Variants in CSMD1 observed in about 807,000 individuals in gnomAD.
The protein encoded by CSMD1 is CUB and sushi domain-containing protein 1.
A neutral mutation model predicts 417.5 loss-of-function variants in CSMD1; 213 were observed. The observed-to-expected ratio is 0.51, with a 90% CI of 0.46 to 0.57. The LOEUF (loss-of-function observed/expected upper bound fraction) is 0.57. Ranked by LOEUF, CSMD1 falls within the 20% of genes least tolerant of loss-of-function variation. The pLI, the probability that CSMD1 is intolerant of heterozygous loss-of-function variation, is 0.00. For synonymous variants in CSMD1, 2,862 were observed against 1,736.8 expected, an observed-to-expected ratio of 1.65 and a Z score of -16.11; for missense variants, 6,923 against 4,529.7, an observed-to-expected ratio of 1.53 and a Z score of -15.17.
intron 1 of CSMD1, among the ~76,000 whole-genome samples, chr8:4,652,264 G>A (rs1037607339): frequency 1.3e-5 from 2 of 152,240 alleles, no homozygotes; most frequent in African/African-American, 2.4e-5. Context: ...TAGAAATCCA[G>A]TCTCATTTAT....
At chr8:3,838,979 T>C (rs1402509161) in intron 5 of CSMD1, among the ~76,000 whole-genome samples, 1 of 123,742 alleles carries the variant, frequency 8.1e-6, no homozygotes, top group Non-Finnish European at 1.6e-5. Context: ...ATATATAATA[T>C]ATTATATATC....
Position 4,299,970 on chromosome 8 carries a change from T to C in CSMD1, c.415+119983A>G, listed in dbSNP as rs993873055. The stretch of plus-strand genomic sequence containing the variant: ...AGTTATAAATACTATTTGTTGATAA[T>C]AGCTATTAGAATTTCTGTCCTTTGT... On this transcript the variant is annotated intron_variant, in intron 3 of 69. Coordinates refer to ENST00000635120, the MANE Select transcript of CSMD1 (RefSeq NM_033225.6). Among the ~76,000 whole-genome samples, 7 of 152,286 alleles carry C rather than the reference T, an allele frequency of 4.6e-5. 1 individual carries two copies. Among genetic ancestry groups the C allele is most frequent in the African/African-American group, 7.2e-5 (3 of 41,560 alleles).
chr8:3,929,926 C>T (rs978655728), intron 5 of CSMD1, among the ~76,000 whole-genome samples: 4 of 150,042 alleles, frequency 2.7e-5, no homozygotes, highest in Non-Finnish European at 4.4e-5. Context: ...CCTCCCAAAG[C>T]GCTGGGATTA....
At chr8:4,062,746 A>C (rs374789381) in intron 3 of CSMD1, among the ~76,000 whole-genome samples, 1 of 152,060 alleles carries the variant, frequency 6.6e-6, no homozygotes, top group Admixed American at 6.6e-5. Flanking sequence ...AAAAAAAAAA[A>C]AGGCAGGTTC....
intron 1 of CSMD1, chr8:4,787,872 G>A: frequency 1.3e-6 from 2 of 1,575,214 alleles, no homozygotes; most frequent in East Asian, 2.2e-5. Context: ...ATTGTACACT[G>A]GTTGATATGA....
At chr8:3,530,156 C>G (rs1215437569) in intron 10 of CSMD1, among the ~76,000 whole-genome samples, 1 of 152,028 alleles carries the variant, frequency 6.6e-6, no homozygotes, top group Non-Finnish European at 1.5e-5. Context: ...CTGTTGTTTT[C>G]TCTATTCATC....
At chr8:4,384,854 G>A (rs549571911) in intron 3 of CSMD1, among the ~76,000 whole-genome samples, 1 of 151,756 alleles carries the variant, frequency 6.6e-6, no homozygotes, top group Non-Finnish European at 1.5e-5. Context: ...GCTACTGTTT[G>A]ATCTTAACAA....
chr8:4,316,190 G>A lies in CSMD1; in HGVS notation c.415+103763C>T, dbSNP rs141117256. ...TATGTAGATTAGCTAAATTTCAAGAGAGCAGGACCCCATATTCTAAAATTT... is the reference window on the plus strand; with the variant it reads ...TATGTAGATTAGCTAAATTTCAAGAAAGCAGGACCCCATATTCTAAAATTT... On this transcript the variant is annotated intron_variant, in intron 3 of 69. Coordinates refer to ENST00000635120, the MANE Select transcript of CSMD1 (RefSeq NM_033225.6). Among the ~76,000 whole-genome samples the A allele has an allele frequency of 1.6e-3, 250 of 152,254 alleles. 2 individuals carry two copies. Among genetic ancestry groups the A allele is most frequent in the African/African-American group, 5.5e-3 (227 of 41,562 alleles).
At chr8:4,518,937 C>A (rs994532996) in intron 2 of CSMD1, among the ~76,000 whole-genome samples, 8 of 152,052 alleles carry the variant, frequency 5.3e-5, no homozygotes, top group South Asian at 4.1e-4. Flanking sequence ...ATTTATCAGC[C>A]TAATAGACAC....
chr8:3,803,530 C>G (rs1800571649), intron 5 of CSMD1, among the ~76,000 whole-genome samples: 3 of 151,996 alleles, frequency 2.0e-5, no homozygotes, highest in Admixed American at 2.0e-4. Flanking sequence ...GGGGCTGGGC[C>G]CAGGACAGAG....
At chr8:3,739,496 A>G (rs1796687232) in intron 6 of CSMD1, among the ~76,000 whole-genome samples, 1 of 152,216 alleles carries the variant, frequency 6.6e-6, no homozygotes, top group Non-Finnish European at 1.5e-5. Flanking sequence ...ATGTTTCAAA[A>G]TATCTCTCTG....
At chr8:3,636,143 T>G (rs530642579) in intron 7 of CSMD1, among the ~76,000 whole-genome samples, 2 of 152,332 alleles carry the variant, frequency 1.3e-5, no homozygotes, top group South Asian at 4.1e-4. Flanking sequence ...AGCCTAGGCC[T>G]ACAACACAGG....
chr8:3,052,711 C>A (rs1811940453), intron 49 of CSMD1, 64 bp from the exon 50 acceptor site: 2 of 1,143,896 alleles, frequency 1.7e-6, no homozygotes, highest in South Asian at 1.9e-5. Context: ...CTATTAAAAC[C>A]ATTGATTGAT....
chr8:4,025,255 G>C (rs1046914618), intron 4 of CSMD1, among the ~76,000 whole-genome samples: 1 of 152,178 alleles, frequency 6.6e-6, no homozygotes, highest in African/African-American at 2.4e-5. Context: ...ATATTTACCT[G>C]CTTCCTTTCT....
intron 5 of CSMD1, among the ~76,000 whole-genome samples, chr8:3,873,619 G>C (rs951793882): frequency 6.6e-6 from 1 of 152,122 alleles, no homozygotes; most frequent in African/African-American, 2.4e-5. Flanking sequence ...CATAATACCT[G>C]AGTGGTGAAA....
intron 5 of CSMD1, among the ~76,000 whole-genome samples, chr8:3,874,527 T>G (rs534465571): frequency 6.6e-6 from 1 of 152,218 alleles, no homozygotes; most frequent in South Asian, 2.1e-4. Context: ...TCGGCGTTCA[T>G]TGAAGACATA....
At chr8:3,775,620 G>C (rs1410707447) in intron 5 of CSMD1, among the ~76,000 whole-genome samples, 2 of 152,156 alleles carry the variant, frequency 1.3e-5, no homozygotes, top group Admixed American at 6.5e-5. Flanking sequence ...AAATTGTTGG[G>C]ACTCATGTGC....
chr8:4,211,097 T>A (rs183723005), intron 3 of CSMD1, among the ~76,000 whole-genome samples: 45 of 152,338 alleles, frequency 3.0e-4, no homozygotes, highest in African/African-American at 9.4e-4. Flanking sequence ...CATTACATTT[T>A]GGGAATTTTC....
At chr8:3,868,739 C>G (rs797017304) in intron 5 of CSMD1, among the ~76,000 whole-genome samples, 19 of 152,306 alleles carry the variant, frequency 1.2e-4, no homozygotes, top group African/African-American at 4.3e-4. Context: ...CCTCTGCTCT[C>G]TCAACCCACA....
Sources: allele counts gnomAD v4.1 joint callset (sites outside exome capture counted in the v4.1 genomes callset), GRCh38; gene constraint gnomAD v4.1.1; transcripts MANE v1.5; gene names NCBI Gene and HGNC (gene_info 2026-07-23, HGNC 2026-07-21).